Variants in NAV1 observed in about 807,000 individuals in gnomAD.
The protein encoded by NAV1 is neuron navigator 1, also known as pore membrane and/or filament interacting like protein 3.
A neutral mutation model predicts 175.2 loss-of-function variants in NAV1; 18 were observed. The observed-to-expected ratio is 0.10, with a 90% CI of 0.07 to 0.15. The LOEUF is 0.15. Ranked by LOEUF, NAV1 falls within the 10% of genes least tolerant of loss-of-function variation. The pLI is 1.00. For missense variants in NAV1, 1,731 were observed against 2,436.6 expected, an observed-to-expected ratio of 0.71 and a Z score of 6.10; for synonymous variants, 897 against 978.7, an observed-to-expected ratio of 0.92 and a Z score of 1.56.
At chr1:201,679,068 G>A (rs929600401) in intron 1 of NAV1, among the ~76,000 whole-genome samples, 6 of 152,132 alleles carry the variant, frequency 3.9e-5, no homozygotes, top group African/African-American at 1.4e-4. Context: ...ACAGCAATGT[G>A]CAGGAGTTAC....
rs369745124 is a variant in NAV1 at position 201,803,459 on chromosome 1, T to C, written c.3518-134T>C. ...CAATAAATGTTTGCTGAATGAATGA[T>C]CCAAAAAAATGAATAATGTGATTGA... On this transcript the variant is annotated intron_variant, in intron 15 of 29. Transcript: ENST00000367296. 75 of 872,006 alleles carry C rather than the reference T, an allele frequency of 8.6e-5. 1 individual carries two copies. In the African/African-American group the frequency reaches 1.1e-3, roughly 13 times the overall value. 54.0% of individuals were successfully genotyped at this position (872,006 alleles called of 1,614,324 possible).
Position 201,813,268 on chromosome 1 carries a change from A to G in NAV1, c.5340+10A>G, listed in dbSNP as rs540361217. ...CAAGGATGGGATAAAGGTGAGCCCT[A>G]CCCCCTTCACTCAAACCCTAAGATC... On this transcript the variant is annotated intron_variant, in intron 28 of 29. Coordinates refer to ENST00000367296, the Ensembl canonical transcript of NAV1. This position sits in a 1 kb window ranked among gnomAD's most constrained non-coding sequence, Gnocchi z 4.2. 6.5e-6 allele frequency: 10 copies of G among 1,548,220 alleles called. 2 individuals carry two copies. The South Asian group carries it at 9.0e-5, about 14-fold the overall frequency.
chr1:201,789,664 T>C (rs1676980369), intron 10 of NAV1, 76 bp from the exon 15 acceptor site: 16 of 1,352,220 alleles, frequency 1.2e-5, no homozygotes, highest in African/African-American at 2.9e-5. Flanking sequence ...TCCAAACTCC[T>C]GCCTTAGGGA....
At chr1:201,618,333 G>A (rs1346752749), upstream of NAV1, among the ~76,000 whole-genome samples, 1 of 152,184 alleles carries the variant, frequency 6.6e-6, no homozygotes, top group African/African-American at 2.4e-5. Context: ...CCTGTACCAT[G>A]CTGACCTACA....
At chr1:201,567,921 A>G (rs1466231837) in intron 1 of NAV1, among the ~76,000 whole-genome samples, 1 of 152,116 alleles carries the variant, frequency 6.6e-6, no homozygotes, top group Non-Finnish European at 1.5e-5. Flanking sequence ...CCAATTGAAG[A>G]TCAACCCTAG....
chr1:201,598,854 A>C (rs1371589803), intron 2 of NAV1, among the ~76,000 whole-genome samples: 2 of 152,072 alleles, frequency 1.3e-5, no homozygotes, highest in East Asian at 1.9e-4. Flanking sequence ...AGTAAGTGGG[A>C]GGGGGGTGTT....
intron 1 of NAV1, chr1:201,673,213 C>T (rs1373282388): frequency 6.6e-6 from 1 of 152,234 alleles, no homozygotes. Flanking sequence ...TGATGGATTG[C>T]TTTTGAGTCC....
At chr1:201,618,980 A>G (rs1668079086), upstream of NAV1, among the ~76,000 whole-genome samples, 1 of 152,012 alleles carries the variant, frequency 6.6e-6, no homozygotes, top group Non-Finnish European at 1.5e-5. Context: ...CCACCCAAAG[A>G]TGGTCTGATC....
At chr1:201,811,022 T>C (rs185992471) in intron 24 of NAV1, among the ~76,000 whole-genome samples, 1 of 152,240 alleles carries the variant, frequency 6.6e-6, no homozygotes, top group Admixed American at 6.5e-5. Context: ...GGCTTTCCTC[T>C]CCACACTTTT....
intron 1 of NAV1, among the ~76,000 whole-genome samples, chr1:201,573,361 C>T (rs889256535): frequency 1.4e-4 from 22 of 152,138 alleles, no homozygotes; most frequent in African/African-American, 5.3e-4. Context: ...ACCGTATTCA[C>T]ACTTTTTCAA....
At chr1:201,558,998 CA>C (rs1270941482) in intron 1 of NAV1, among the ~76,000 whole-genome samples, 1 of 152,078 alleles carries the variant, frequency 6.6e-6, no homozygotes, top group Non-Finnish European at 1.5e-5. Context: ...TTCAGCATGT[CA>C]AAAGGCCATA....
At position 201,787,544 on chromosome 1, in the gene NAV1, A is replaced by C. The variant is rs535881824; in HGVS notation, c.2996-924A>C. ...TGTTCTCTATCTCCATTGAAGACCA[A>C]ATAAGAAGAATTGCATTTATGCTGC... On this transcript the variant is annotated intron_variant, in intron 9 of 29. Coordinates refer to ENST00000367296, the Ensembl canonical transcript of NAV1. The surrounding 1 kb of genome is among the most constrained non-coding windows in gnomAD (Gnocchi z 4.3). 5 of 411,558 alleles carry C rather than the reference A, an allele frequency of 1.2e-5. No individual in the cohort carries two copies. Among genetic ancestry groups the C allele is most frequent in the Admixed American group, 5.2e-5 (2 of 38,190 alleles). 25.5% of individuals were successfully genotyped at this position (411,558 alleles called of 1,614,324 possible). A position where few individuals can be genotyped will look rare whatever the true frequency, so the allele number is the denominator to read the frequency against.
chr1:201,783,717 T>C, exon 7 of NAV1: 1 of 1,614,200 alleles, frequency 6.2e-7, no homozygotes, highest in African/African-American at 1.3e-5. Flanking sequence ...TCCCTCCAGA[T>C]GCCAATGAGC....
At chr1:201,644,488 G>A (rs1255033223), upstream of NAV1, among the ~76,000 whole-genome samples, 3 of 152,220 alleles carry the variant, frequency 2.0e-5, no homozygotes, top group African/African-American at 4.8e-5. Context: ...TCACATTAGG[G>A]AGTGTCAGAA....
At chr1:201,546,732 C>T (rs533082104) in intron 1 of NAV1, among the ~76,000 whole-genome samples, 36 of 151,592 alleles carry the variant, frequency 2.4e-4, no homozygotes, top group African/African-American at 7.3e-4. Context: ...GGTAAAACCC[C>T]GTCTCTACTA....
chr1:201,799,354 T>G (rs988928406), intron 15 of NAV1, among the ~76,000 whole-genome samples: 7 of 152,240 alleles, frequency 4.6e-5, no homozygotes, highest in Admixed American at 2.0e-4. Flanking sequence ...TATCCTCAGT[T>G]CATGTTGATC....
intron 2 of NAV1, among the ~76,000 whole-genome samples, chr1:201,589,400 T>A (rs974763044): frequency 6.6e-6 from 1 of 152,246 alleles, no homozygotes; most frequent in Non-Finnish European, 1.5e-5. Context: ...TAATATTTAG[T>A]ACCGTGTAGG....
chr1:201,594,206 AT>A (rs1667288080), intron 2 of NAV1, among the ~76,000 whole-genome samples: 1 of 151,974 alleles, frequency 6.6e-6, no homozygotes, highest in Non-Finnish European at 1.5e-5. Context: ...TCAAAAGGCC[AT>A]TTTGGGCCCA....
intron 1 of NAV1, among the ~76,000 whole-genome samples, chr1:201,697,410 G>A (rs377513571): frequency 4.6e-5 from 7 of 152,294 alleles, no homozygotes; most frequent in East Asian, 1.9e-4. Flanking sequence ...AGGTGTGAAC[G>A]GCAGAGGGAG....
Sources: gnomAD v4.1 joint callset for allele counts (sites outside exome capture counted in the v4.1 genomes callset) on GRCh38, gnomAD v4.1.1 for gene constraint, Gnocchi (gnomAD v3.1) non-coding constraint, MANE v1.5 for transcripts, NCBI Gene and HGNC (gene_info 2026-07-23, HGNC 2026-07-21) for gene names.